Variants in LRMDA observed in about 807,000 individuals in gnomAD.
LRMDA encodes leucine rich melanocyte differentiation associated.
A neutral mutation model predicts 29.8 loss-of-function variants in LRMDA; 18 were observed. The observed-to-expected ratio is 0.60, with a 90% CI of 0.42 to 0.90. LRMDA has a LOEUF of 0.90. Among genes scored for constraint, LRMDA ranks in the 40% least tolerant of loss-of-function variants. The probability of loss-of-function intolerance (pLI) is 0.00; values close to 1 mark genes in which losing one functional copy is unlikely to be tolerated. For synonymous variants in LRMDA, 125 were observed against 109.4 expected, an observed-to-expected ratio of 1.14 and a Z score of -0.89; for missense variants, 273 against 273.9, an observed-to-expected ratio of 1.00 and a Z score of 0.02.
chr10:76,283,683 T>C (rs1017313307), intron 5 of LRMDA, among the ~76,000 whole-genome samples: 1 of 152,214 alleles, frequency 6.6e-6, no homozygotes, highest in Admixed American at 6.5e-5. Context: ...ATTATTGTGA[T>C]CTCCATTTGG....
Position 75,468,692 on chromosome 10 carries a change from C to T in LRMDA, c.131+30198C>T, listed in dbSNP as rs578109962. Among the ~76,000 whole-genome samples, 15 of 151,954 alleles carry T rather than the reference C, an allele frequency of 9.9e-5. No homozygotes were observed. In the South Asian group the frequency reaches 1.9e-3, roughly 19 times the overall value. On this transcript the variant is annotated intron_variant, in intron 2 of 6. Transcript: ENST00000611255. Reference sequence around the variant, plus strand: ...TTCACAGGTCTTTGCGGGGGGCTGTCGGGCACAGGATTTGGGAAGGGTCAG... The same window carrying T: ...TTCACAGGTCTTTGCGGGGGGCTGTTGGGCACAGGATTTGGGAAGGGTCAG...
chr10:76,307,364 G>T (rs1032257226), intron 5 of LRMDA, among the ~76,000 whole-genome samples: 4 of 152,182 alleles, frequency 2.6e-5, no homozygotes, highest in Non-Finnish European at 5.9e-5. Flanking sequence ...TTGGCCTAAA[G>T]ATAATGATGA....
intron 2 of LRMDA, among the ~76,000 whole-genome samples, chr10:75,699,200 CAAA>C (rs140938454): frequency 1.9e-5 from 2 of 107,452 alleles, no homozygotes; most frequent in South Asian, 3.4e-4. Flanking sequence ...GACTTGGTCT[CAAA>C]AAAAAAAAAA....
chr10:76,268,887 C>T (rs1036402520), intron 5 of LRMDA, among the ~76,000 whole-genome samples: 22 of 152,020 alleles, frequency 1.4e-4, no homozygotes, highest in Non-Finnish European at 2.4e-4. Context: ...TTATTGGCCC[C>T]CTAGGTTTCA....
chr10:76,072,148 C>A (rs921007827), intron 5 of LRMDA, among the ~76,000 whole-genome samples: 1 of 152,170 alleles, frequency 6.6e-6, no homozygotes, highest in African/African-American at 2.4e-5. Context: ...ACCCTGCAAG[C>A]AACTGGGACC....
At chr10:75,949,193 G>T (rs1416557743) in intron 2 of LRMDA, among the ~76,000 whole-genome samples, 1 of 152,132 alleles carries the variant, frequency 6.6e-6, no homozygotes, top group Non-Finnish European at 1.5e-5. Context: ...GTTTAGGAGG[G>T]GTGTCCTGGA....
chr10:75,558,074 C>T (rs915078185), intron 2 of LRMDA, among the ~76,000 whole-genome samples: 1 of 151,942 alleles, frequency 6.6e-6, no homozygotes, highest in Non-Finnish European at 1.5e-5. Flanking sequence ...ACTCATGCCC[C>T]CTTACCCTCC....
intron 2 of LRMDA, among the ~76,000 whole-genome samples, chr10:75,572,211 C>G (rs1171654875): frequency 6.6e-6 from 1 of 152,166 alleles, no homozygotes; most frequent in African/African-American, 2.4e-5. Flanking sequence ...CTTGGCCTCC[C>G]AAAGTGCTGG....
intron 2 of LRMDA, among the ~76,000 whole-genome samples, chr10:75,476,957 G>A (rs1844801361): frequency 6.6e-6 from 1 of 151,426 alleles, no homozygotes; most frequent in East Asian, 1.9e-4. Context: ...GTCTATCTGT[G>A]TCCTGATCAC....
chr10:75,789,581 T>C (rs1290695405), intron 2 of LRMDA, among the ~76,000 whole-genome samples: 1 of 152,240 alleles, frequency 6.6e-6, no homozygotes, highest in Non-Finnish European at 1.5e-5. Flanking sequence ...CATAAGTGTA[T>C]ATTATAAATA....
intron 5 of LRMDA, among the ~76,000 whole-genome samples, chr10:76,207,382 G>A (rs1049456088): frequency 6.6e-6 from 1 of 152,192 alleles, no homozygotes; most frequent in Non-Finnish European, 1.5e-5. Flanking sequence ...GCTAGTTCAG[G>A]GATCCTACGT....
At chr10:75,669,940 T>C (rs1260518339) in intron 2 of LRMDA, among the ~76,000 whole-genome samples, 1 of 152,212 alleles carries the variant, frequency 6.6e-6, no homozygotes, top group Non-Finnish European at 1.5e-5. Flanking sequence ...AGATGAGAAG[T>C]ACACTTAAGG....
intron 5 of LRMDA, among the ~76,000 whole-genome samples, chr10:76,245,141 A>C (rs1404935127): frequency 3.9e-5 from 6 of 152,210 alleles, no homozygotes; most frequent in African/African-American, 1.2e-4. Flanking sequence ...GGAGAATCAC[A>C]GGAAGGCAAC....
intron 2 of LRMDA, among the ~76,000 whole-genome samples, chr10:75,987,762 A>G (rs1847286269): frequency 1.3e-5 from 2 of 152,186 alleles, no homozygotes; most frequent in African/African-American, 4.8e-5. Flanking sequence ...GGGGCTGTCC[A>G]TTCTTTTGCA....
intron 5 of LRMDA, among the ~76,000 whole-genome samples, chr10:76,281,120 T>G (rs1293021967): frequency 6.6e-6 from 1 of 152,204 alleles, no homozygotes; most frequent in Non-Finnish European, 1.5e-5. Context: ...CGTGGTAGAA[T>G]GACAGGCTCT....
At position 76,358,570 on chromosome 10, in the gene LRMDA, G is replaced by T. The variant is rs547158047; in HGVS notation, c.601+34085G>T. On this transcript the variant is annotated intron_variant, in intron 6 of 6. Coordinates refer to ENST00000611255, the MANE Select transcript of LRMDA (RefSeq NM_001305581.2). ...GCTTCCCTGCATTCTGATAGAGCAGGAGCCAGGAGGCATGGCAGTCTTAGA... is the reference window on the plus strand; with the variant it reads ...GCTTCCCTGCATTCTGATAGAGCAGTAGCCAGGAGGCATGGCAGTCTTAGA... Among the ~76,000 whole-genome samples the T allele has an allele frequency of 3.9e-5, 6 of 152,268 alleles. No homozygotes were observed. The South Asian group carries it at 1.2e-3, about 32-fold the overall frequency.
chr10:75,892,753 C>T (rs1237497805), intron 2 of LRMDA, among the ~76,000 whole-genome samples: 2 of 152,170 alleles, frequency 1.3e-5, no homozygotes, highest in African/African-American at 4.8e-5. Context: ...TCCCTACTCA[C>T]TGGTCCTGGG....
intron 2 of LRMDA, among the ~76,000 whole-genome samples, chr10:75,724,965 T>C (rs1489739158): frequency 6.6e-6 from 1 of 152,182 alleles, no homozygotes; most frequent in Non-Finnish European, 1.5e-5. Context: ...GATTTTTCTC[T>C]AAAGAATGAA....
chr10:76,557,122 T>C (rs1202940758), intron 6 of LRMDA, 87 bp from the exon 7 acceptor site: 10 of 1,048,424 alleles, frequency 9.5e-6, no homozygotes, highest in Non-Finnish European at 1.5e-5. Context: ...GATCTATGAT[T>C]ATCTTGCATG....
Sources: allele counts gnomAD v4.1 joint callset (sites outside exome capture counted in the v4.1 genomes callset), GRCh38; gene constraint gnomAD v4.1.1; transcripts MANE v1.5; gene names NCBI Gene and HGNC (gene_info 2026-07-23, HGNC 2026-07-21).